Variants in LOXHD1 observed in about 807,000 individuals in gnomAD.
The protein encoded by LOXHD1 is lipoxygenase homology PLAT domains 1.
In LOXHD1, 205 loss-of-function variants were observed where a neutral mutation model predicts 248.2. The ratio of observed to expected loss-of-function variants is 0.83; its 90% CI spans 0.74 to 0.93. LOXHD1 has a LOEUF of 0.93. LOXHD1 is among the 40% of genes least tolerant of loss of function. The probability of loss-of-function intolerance (pLI) is 0.00; values close to 1 mark genes in which losing one functional copy is unlikely to be tolerated. For missense variants in LOXHD1, 2,930 were observed against 2,971.6 expected (o/e 0.99, Z 0.33); for synonymous variants, 1,113 against 1,162.8 (o/e 0.96, Z 0.87).
At position 46,477,625 on chromosome 18, in the gene LOXHD1, G is replaced by A. The variant is rs759690810; in HGVS notation, c.6669C>T (p.His2223=). Residue 2223 remains histidine (H), a synonymous_variant, in exon 41 of 41, where the codon CAC becomes CAT. Coordinates refer to ENST00000642948, the MANE Select transcript of LOXHD1 (RefSeq NM_001384474.1). The part of the protein sequence containing the change: ...LGELRKVRLE[H]DSSGYCSGWL... ...AGCCTGAGCAGTAGCCACTGCTGTCGTGCTCCAGGCGCACCTTGCGCAGCT... is the reference window on the plus strand; with the variant it reads ...AGCCTGAGCAGTAGCCACTGCTGTCATGCTCCAGGCGCACCTTGCGCAGCT... The A allele has an allele frequency of 1.7e-5, 26 of 1,551,614 alleles. No homozygotes were observed. The African/African-American group carries it at 2.1e-4, about 12-fold the overall frequency.
chr18:46,478,689 T>A lies in LOXHD1; in HGVS notation c.6342-737A>T, dbSNP rs1260645175. On this transcript the variant is annotated intron_variant, in intron 40 of 40. Transcript: ENST00000642948. ...GTTTTCCTTTATTCATTTTTATGTA[T>A]TTTTAATTTTTATTTTCTTTAGAGA... 5.3e-5 allele frequency among the ~76,000 whole-genome samples: 8 copies of A among 152,276 alleles called. No individual in the cohort carries two copies. The East Asian group carries it at 1.5e-3, about 29-fold the overall frequency.
chr18:46,563,777 T>C (rs1300810967), intron 17 of LOXHD1, among the ~76,000 whole-genome samples: 1 of 152,072 alleles, frequency 6.6e-6, no homozygotes, highest in Non-Finnish European at 1.5e-5. Flanking sequence ...TCCAAGCTGA[T>C]TGGCGTCCTT....
intron 40 of LOXHD1, among the ~76,000 whole-genome samples, chr18:46,482,030 G>A (rs866327280): frequency 1.3e-5 from 2 of 152,176 alleles, no homozygotes; most frequent in Admixed American, 1.3e-4. Context: ...AAGGGCTTAG[G>A]CCTGGCCCTG....
In LOXHD1 at chr18:46,509,687, A is replaced by G. The variant is rs2034829992; in HGVS notation, c.5517+11T>C. ...TGGCTGGAAGGAAGAGTGAGGGTCT[A>G]GACATTTTACCCTCTCCAGGAACCA... On this transcript the variant is annotated intron_variant, in intron 35 of 40. Transcript: ENST00000642948. The G allele has an allele frequency of 3.9e-6, 6 of 1,541,734 alleles. No individual in the cohort carries two copies. The highest frequency in any genetic ancestry group is 5.3e-6 in the Non-Finnish European group (6 of 1,137,976).
At chr18:46,629,804 AAAAGAAAAAAAG>A in intron 4 of LOXHD1, among the ~76,000 whole-genome samples, 1 of 151,260 alleles carries the variant, frequency 6.6e-6, no homozygotes, top group Non-Finnish European at 1.5e-5. Flanking sequence ...AAAAAAAAAA[AAAAGAAAAAAAG>A]AAAGAAAGAA....
At position 46,560,148 on chromosome 18, in the gene LOXHD1, G is replaced by A. The variant is rs2037486356; in HGVS notation, c.2996C>T (p.Ala999Val). 2 of 1,550,812 alleles carry A rather than the reference G, an allele frequency of 1.3e-6. No individual in the cohort carries two copies. The highest frequency in any genetic ancestry group is 2.4e-5 in the East Asian group (1 of 40,818). Residue 999 changes from alanine (A) to valine (V), a missense_variant, in exon 19 of 41, where the codon GCC becomes GTC. Physicochemically the swap from Ala to Val is moderately conservative, Grantham distance 64. Coordinates refer to ENST00000642948, the MANE Select transcript of LOXHD1 (RefSeq NM_001384474.1). ...QHKFEAHRWL[A>V]RGKEDNELVV... ...AAGTTCGTTGTCCTCCTTGCCCCGG[G>A]CCAGCCAGCGGTGGGCTTCGAACTT...
chr18:46,502,850 G>A (rs935448339), intron 37 of LOXHD1, among the ~76,000 whole-genome samples: 5 of 152,204 alleles, frequency 3.3e-5, no homozygotes, highest in African/African-American at 1.2e-4. Flanking sequence ...CTGGGAAGAG[G>A]TTAGGGAACC....
intron 33 of LOXHD1, among the ~76,000 whole-genome samples, chr18:46,519,726 G>A (rs573627613): frequency 5.9e-5 from 9 of 152,248 alleles, no homozygotes; most frequent in African/African-American, 1.7e-4. Flanking sequence ...TGGTCCGTCC[G>A]ACTCTTGTGT....
chr18:46,589,060 G>A (rs1232551232), intron 12 of LOXHD1, among the ~76,000 whole-genome samples: 1 of 152,160 alleles, frequency 6.6e-6, no homozygotes, highest in Non-Finnish European at 1.5e-5. Context: ...GTGAGTGTTG[G>A]AGGCTGAAAG....
intron 37 of LOXHD1, among the ~76,000 whole-genome samples, chr18:46,496,622 A>C (rs2033887665): frequency 6.6e-6 from 1 of 152,234 alleles, no homozygotes. Flanking sequence ...TGGAGGAGAA[A>C]GTTACCATTA....
chr18:46,651,012 A>T (rs2039104021), intron 1 of LOXHD1, among the ~76,000 whole-genome samples: 1 of 152,242 alleles, frequency 6.6e-6, no homozygotes, highest in Non-Finnish European at 1.5e-5. Context: ...CTCAACAAAT[A>T]GTAACCTGGT....
chr18:46,594,528 G>A (rs1172239896), intron 8 of LOXHD1, 62 bp from the exon 9 acceptor site: 32 of 1,541,586 alleles, frequency 2.1e-5, no homozygotes, highest in Non-Finnish European at 4.4e-6. Context: ...TCTTCGTGAT[G>A]TTCAGCAGGC....
intron 20 of LOXHD1, chr18:46,558,086 A>T (rs1462263758): frequency 1.0e-6 from 1 of 985,298 alleles, no homozygotes; most frequent in Non-Finnish European, 1.2e-6. Context: ...CTTGGATATA[A>T]CTTTTTTGAC....
chr18:46,484,900 T>C, intron 39 of LOXHD1, 119 bp downstream of exon 39: 1 of 1,235,728 alleles, frequency 8.1e-7, no homozygotes, highest in African/African-American at 1.5e-5. Flanking sequence ...AGGTGCTCAG[T>C]AAGTACTTGC....
intron 13 of LOXHD1, among the ~76,000 whole-genome samples, chr18:46,578,540 C>A (rs1259041573): frequency 1.7e-5 from 1 of 59,384 alleles, no homozygotes; most frequent in Non-Finnish European, 4.9e-5. Context: ...CAACATCCTG[C>A]TCAGATTATT....
intron 4 of LOXHD1, among the ~76,000 whole-genome samples, chr18:46,621,801 T>A (rs1218022709): frequency 6.6e-6 from 1 of 152,006 alleles, no homozygotes; most frequent in Admixed American, 6.6e-5. Context: ...AAGATGATGA[T>A]AAGAAATAAT....
intron 24 of LOXHD1, among the ~76,000 whole-genome samples, chr18:46,542,515 G>T (rs1454059808): frequency 6.6e-6 from 1 of 152,194 alleles, no homozygotes. Context: ...AAAATCACCA[G>T]TGTCCAGGTA....
intron 34 of LOXHD1, among the ~76,000 whole-genome samples, chr18:46,510,571 CT>C (rs2034897837): frequency 6.6e-6 from 1 of 152,214 alleles, no homozygotes; most frequent in South Asian, 2.1e-4. Context: ...GATGATACTG[CT>C]GATAAGGCCC....
rs989907321 is a variant in LOXHD1 at position 46,483,717 on chromosome 18, T to C, written c.6211A>G (p.Ser2071Gly). ...KGTTDTFEFDSIYLGDIASLC... is the reference protein window; with the variant it reads ...KGTTDTFEFDGIYLGDIASLC... The stretch of plus-strand genomic sequence containing the variant: ...GAGGCAATGTCCCCCAAGTAGATGC[T>C]GTCAAACTCAAACGTGTCTGTGGTC... Residue 2071 changes from serine (S) to glycine (G), a missense_variant, in exon 40 of 41, where the codon AGC (serine) becomes GGC (glycine). Physicochemically the swap from Ser to Gly is moderately conservative, Grantham distance 56. Coordinates refer to ENST00000642948, the MANE Select transcript of LOXHD1 (RefSeq NM_001384474.1). 22 of 1,551,490 alleles carry C rather than the reference T, an allele frequency of 1.4e-5. No homozygotes were observed. Among genetic ancestry groups the C allele is most frequent in the Non-Finnish European group, 1.9e-5 (22 of 1,146,926 alleles).
Sources: gnomAD v4.1 joint callset for allele counts (sites outside exome capture counted in the v4.1 genomes callset) on GRCh38, gnomAD v4.1.1 for gene constraint, MANE v1.5 for transcripts, NCBI Gene and HGNC (gene_info 2026-07-23, HGNC 2026-07-21) for gene names.